NLGN4X: variants seen among roughly 807,000 people sequenced by gnomAD.
NLGN4X encodes the protein neuroligin-4, X-linked.
NLGN4X carries 3 observed loss-of-function variants against 40.3 expected under a neutral mutation model. That is an observed-to-expected ratio of 0.07 (90% confidence interval 0.03 to 0.19). The LOEUF is 0.19. NLGN4X is among the 10% of genes least tolerant of loss of function. The pLI is 1.00. For synonymous variants in NLGN4X, 270 were observed against 306.8 expected, an observed-to-expected ratio of 0.88 and a Z score of 1.25; for missense variants, 382 against 708.3, an observed-to-expected ratio of 0.54 and a Z score of 5.23.
chrX:5,906,828 TAA>T (rs2032212071), intron 4 of NLGN4X, among the ~76,000 whole-genome samples: 1 of 111,410 alleles, frequency 9.0e-6, no homozygotes, highest in South Asian at 3.8e-4. Context: ...ACTTTAAAAA[TAA>T]TCATTCGGGA....
At chrX:6,150,006 A>G (rs2147696884) in intron 2 of NLGN4X, among the ~76,000 whole-genome samples, 1 of 111,087 alleles carries the variant, frequency 9.0e-6, no homozygotes, top group Admixed American at 9.6e-5. Flanking sequence ...CATAAAAGAA[A>G]TTTATCACAC....
intron 2 of NLGN4X, among the ~76,000 whole-genome samples, chrX:6,133,727 C>T (rs749313751): frequency 3.6e-5 from 4 of 111,815 alleles, no homozygotes; most frequent in African/African-American, 1.3e-4. Flanking sequence ...AAATTCATAG[C>T]AAGTTTGAAA....
intron 3 of NLGN4X, among the ~76,000 whole-genome samples, chrX:5,980,939 A>T (rs1345558514): frequency 9.0e-6 from 1 of 111,648 alleles, no homozygotes; most frequent in Non-Finnish European, 1.9e-5. Flanking sequence ...ATTTTCTAAA[A>T]GTCTACTGTT....
rs552676124 is a variant in NLGN4X at position 6,156,496 on chromosome X, G to A, written c.-305-4725C>T. 7.4e-3 allele frequency among the ~76,000 whole-genome samples: 822 copies of A among 111,828 alleles called. 9 individuals are homozygous for A. The highest frequency in any genetic ancestry group is 0.025 in the African/African-American group (776 of 30,783). Reference sequence around the variant, plus strand: ...TGCACTCCAGCCTGGGCAACAGAGCGAGACTCCGTCTCAAAAAAACAAAAC... The same window carrying A: ...TGCACTCCAGCCTGGGCAACAGAGCAAGACTCCGTCTCAAAAAAACAAAAC... On this transcript the variant is annotated intron_variant, in intron 1 of 5. Coordinates refer to ENST00000381095, the MANE Select transcript of NLGN4X (RefSeq NM_181332.3).
intron 5 of NLGN4X, among the ~76,000 whole-genome samples, chrX:5,896,794 G>A (rs925865964): frequency 1.8e-5 from 2 of 111,881 alleles, no homozygotes; most frequent in African/African-American, 3.3e-5. Flanking sequence ...GATTATTACC[G>A]GACTAGTTTA....
intron 2 of NLGN4X, among the ~76,000 whole-genome samples, chrX:6,091,844 T>C (rs2038647579): frequency 9.0e-6 from 1 of 111,505 alleles, no homozygotes; most frequent in African/African-American, 3.3e-5. Flanking sequence ...CACCATTGAG[T>C]AAGATGTTCC....
intron 1 of NLGN4X, among the ~76,000 whole-genome samples, chrX:6,194,536 T>C (rs973581005): frequency 8.9e-6 from 1 of 111,774 alleles, no homozygotes; most frequent in Admixed American, 9.5e-5. Flanking sequence ...CCTTCTGGGC[T>C]TACTTCCATG....
rs141578230 is a variant in NLGN4X at position 6,158,196 on chromosome X, G to C, written c.-305-6425C>G. ...AAGGTCATGGAGGCATACACCTGTA[G>C]TGCCAGCTGATAACATGGTATGTGC... On this transcript the variant is annotated intron_variant, in intron 1 of 5. Coordinates refer to ENST00000381095, the MANE Select transcript of NLGN4X (RefSeq NM_181332.3). Among the ~76,000 whole-genome samples, 1,041 of 111,624 alleles carry C rather than the reference G, an allele frequency of 9.3e-3. 8 individuals are homozygous for C. Among genetic ancestry groups the C allele is most frequent in the African/African-American group, 0.032 (997 of 30,709 alleles).
intron 3 of NLGN4X, among the ~76,000 whole-genome samples, chrX:5,928,754 C>T (rs1246466789): frequency 2.7e-5 from 3 of 111,694 alleles, no homozygotes; most frequent in African/African-American, 3.3e-5. Context: ...AGATATCATA[C>T]GGATAGAACT....
intron 3 of NLGN4X, among the ~76,000 whole-genome samples, chrX:5,955,815 TAAAAA>T: frequency 1.1e-5 from 1 of 90,219 alleles, no homozygotes; most frequent in South Asian, 5.7e-4. Context: ...ACAACCACAC[TAAAAA>T]AAAAAAAAAG....
At chrX:6,197,942 G>A (rs1319897252) in intron 1 of NLGN4X, among the ~76,000 whole-genome samples, 1 of 109,665 alleles carries the variant, frequency 9.1e-6, no homozygotes, top group Non-Finnish European at 1.9e-5. Context: ...GTGCACGCCT[G>A]TAGTCCCAGC....
intron 2 of NLGN4X, among the ~76,000 whole-genome samples, chrX:6,090,032 A>T (rs2038598435): frequency 9.0e-6 from 1 of 111,684 alleles, no homozygotes; most frequent in Admixed American, 9.6e-5. Context: ...GAGAGCTCTG[A>T]GAACAATCCC....
chrX:6,023,984 C>T (rs959260819), intron 3 of NLGN4X, among the ~76,000 whole-genome samples: 6 of 109,373 alleles, frequency 5.5e-5, no homozygotes, highest in Admixed American at 2.9e-4. Flanking sequence ...TTTGGACTAT[C>T]ATGAACAACA....
intron 3 of NLGN4X, among the ~76,000 whole-genome samples, chrX:5,993,793 T>TGC (rs1602024185): frequency 9.0e-6 from 1 of 111,709 alleles, no homozygotes; most frequent in African/African-American, 3.3e-5. Context: ...AAAGGGACTG[T>TGC]GCCCTGGTCT....
At chrX:5,941,318 A>C (rs1215295722) in intron 3 of NLGN4X, among the ~76,000 whole-genome samples, 1 of 109,330 alleles carries the variant, frequency 9.1e-6, no homozygotes, top group Non-Finnish European at 1.9e-5. Context: ...CAAGAATTTA[A>C]ACCTGCAAAT....
chrX:6,149,863 G>C (rs752820971), intron 2 of NLGN4X, among the ~76,000 whole-genome samples: 1 of 109,997 alleles, frequency 9.1e-6, no homozygotes, highest in South Asian at 3.9e-4. Context: ...TAATCTGATA[G>C]ATGCAAAACA....
intron 5 of NLGN4X, among the ~76,000 whole-genome samples, chrX:5,902,310 G>A (rs2031914857): frequency 9.0e-6 from 1 of 110,952 alleles, no homozygotes; most frequent in Non-Finnish European, 1.9e-5. Flanking sequence ...GATCCCTTGA[G>A]CCCAGGAGTT....
At chrX:6,191,330 C>G (rs1489050921) in intron 1 of NLGN4X, among the ~76,000 whole-genome samples, 2 of 111,414 alleles carry the variant, frequency 1.8e-5, no homozygotes, top group Non-Finnish European at 3.8e-5. Flanking sequence ...AAATCAAAGG[C>G]TAGAGATAGG....
intron 3 of NLGN4X, among the ~76,000 whole-genome samples, chrX:6,006,162 A>T (rs1174965891): frequency 9.0e-6 from 1 of 111,167 alleles, no homozygotes; most frequent in South Asian, 3.8e-4. Context: ...ACCAAATCTT[A>T]TAAGATAAAT....
Sources: gnomAD v4.1 joint callset for allele counts (sites outside exome capture counted in the v4.1 genomes callset) on GRCh38, gnomAD v4.1.1 for gene constraint, MANE v1.5 for transcripts, NCBI Gene and HGNC (gene_info 2026-07-23, HGNC 2026-07-21) for gene names.